Variants in NTRK3 observed in about 807,000 individuals in gnomAD.
NTRK3 encodes the protein NT-3 growth factor receptor.
In NTRK3, 24 loss-of-function variants were observed where a neutral mutation model predicts 91.7. The observed-to-expected ratio is 0.26, with a 90% CI of 0.19 to 0.37. NTRK3 has a LOEUF of 0.37. NTRK3 is among the 10% of genes least tolerant of loss of function. NTRK3 has a pLI of 1.00. For missense variants in NTRK3, 880 were observed against 1,068.9 expected (o/e 0.82, Z 2.46); for synonymous variants, 483 against 404.0 (o/e 1.20, Z -2.34).
In NTRK3 at chr15:88,156,970, A is replaced by G. The variant is rs142697798; in HGVS notation, c.396-9567T>C. Among the ~76,000 whole-genome samples the G allele has an allele frequency of 3.3e-3, 504 of 152,250 alleles. 3 individuals carry two copies. Among genetic ancestry groups the G allele is most frequent in the African/African-American group, 0.012 (483 of 41,538 alleles). On this transcript the variant is annotated intron_variant, in intron 5 of 18. Transcript: ENST00000394480. ...AGGAAGCATTTCTTTCTACACAGCA[A>G]CCACAGTGCACAAAGAGACTCTGCA...
chr15:88,229,053 A>G (rs1230889839), intron 3 of NTRK3, among the ~76,000 whole-genome samples: 3 of 152,144 alleles, frequency 2.0e-5, no homozygotes, highest in African/African-American at 7.2e-5. Flanking sequence ...CATGAGAGAA[A>G]GGCTAAGAGA....
intron 13 of NTRK3, among the ~76,000 whole-genome samples, chr15:88,054,064 G>C (rs186796596): frequency 1.4e-4 from 21 of 152,298 alleles, no homozygotes; most frequent in African/African-American, 5.1e-4. Flanking sequence ...GTTATGACTG[G>C]TTCCATCACC....
At chr15:88,166,821 G>A (rs1379776503) in intron 5 of NTRK3, among the ~76,000 whole-genome samples, 1 of 151,892 alleles carries the variant, frequency 6.6e-6, no homozygotes, top group Non-Finnish European at 1.5e-5. Context: ...CTGAGCCCCA[G>A]AGTCCTCATG....
intron 3 of NTRK3, among the ~76,000 whole-genome samples, chr15:88,206,755 G>A (rs1257954294): frequency 6.6e-6 from 1 of 152,020 alleles, no homozygotes. Context: ...GGCGGGCGGG[G>A]CCGGGTCTTT....
At position 88,095,629 on chromosome 15, in the gene NTRK3, A is replaced by G. The variant is rs75345775; in HGVS notation, c.1396+30642T>C. On this transcript the variant is annotated intron_variant, in intron 13 of 18. Coordinates refer to ENST00000394480, the Ensembl canonical transcript of NTRK3. ...AAAATATAATAAATTAACCAGAGCA[A>G]GAAAACCAGTTGAATCCAAATAAAT... 1.4e-3 allele frequency among the ~76,000 whole-genome samples: 211 copies of G among 152,370 alleles called. 1 individual carries two copies. The East Asian group carries it at 0.028, about 20-fold the overall frequency.
At chr15:88,246,737 G>C (rs969366016) in intron 3 of NTRK3, among the ~76,000 whole-genome samples, 1 of 152,216 alleles carries the variant, frequency 6.6e-6, no homozygotes, top group African/African-American at 2.4e-5. Flanking sequence ...TTCCCAGGAA[G>C]CCAAAGGCTC....
In NTRK3 at chr15:88,131,037, GA is replaced by G. The variant is rs777580653; in HGVS notation, c.1205-2304del. Among the ~76,000 whole-genome samples, 79 of 152,310 alleles carry G rather than the reference GA, an allele frequency of 5.2e-4. 1 individual carries two copies. Among genetic ancestry groups the G allele is most frequent in the Admixed American group, 2.0e-4 (3 of 15,306 alleles). On this transcript the variant is annotated intron_variant, in intron 10 of 18. Transcript: ENST00000394480. ...TATGAATTCCAAACTATTTCAAAAT[GA>G]AAAGTTAAAAATCTTTAAAAATTAA...
At chr15:88,221,394 A>G (rs1567671908) in intron 3 of NTRK3, among the ~76,000 whole-genome samples, 2 of 152,262 alleles carry the variant, frequency 1.3e-5, no homozygotes, top group Non-Finnish European at 2.9e-5. Flanking sequence ...AATAAAGATG[A>G]GAAAAATAAC....
intron 4 of NTRK3, 35 bp from the exon 5 acceptor site, chr15:88,183,524 A>AAGTGGCAGAGGGATATCTGCTCT: frequency 6.3e-7 from 1 of 1,597,294 alleles, no homozygotes; most frequent in Non-Finnish European, 8.6e-7. Flanking sequence ...AGCAGAGCTC[A>AAGTGGCAGAGGGATATCTGCTCT]AGTGGCAGAG....
At chr15:88,055,322 T>A (rs962672165) in intron 13 of NTRK3, among the ~76,000 whole-genome samples, 2 of 152,172 alleles carry the variant, frequency 1.3e-5, no homozygotes, top group Non-Finnish European at 1.5e-5. Context: ...AATGACCACA[T>A]CCAAACAGTG....
At chr15:88,177,039 A>C (rs1484164072) in intron 5 of NTRK3, among the ~76,000 whole-genome samples, 3 of 152,212 alleles carry the variant, frequency 2.0e-5, no homozygotes, top group African/African-American at 7.2e-5. Context: ...TTTGGGTCAG[A>C]TGGGCCAACA....
rs528464133 is a variant in NTRK3, at chr15:87,870,142, A to C, written c.*6793T>G. 1.3e-4 allele frequency: 24 copies of C among 186,850 alleles called. No homozygotes were observed. In the South Asian group the frequency reaches 3.1e-3, roughly 24 times the overall value. 11.6% of individuals were successfully genotyped at this position (186,850 alleles called of 1,614,324 possible). A position where few individuals can be genotyped will look rare whatever the true frequency, so the allele number is the denominator to read the frequency against. ...CAATTGCAAAAAGTGGAATCAACCC[A>C]AATGCCCATCAATCAATGAGCAGAT... On this transcript the variant is annotated 3_prime_UTR_variant, in exon 19 of 19. Transcript: ENST00000394480.
intron 10 of NTRK3, chr15:88,131,913 G>T (rs2041394220): frequency 5.1e-6 from 1 of 195,770 alleles, no homozygotes; most frequent in East Asian, 7.9e-5. Context: ...CAGCAGGCTG[G>T]GAGGAGCGCT....
At chr15:87,893,370 G>A (rs992949524) in intron 17 of NTRK3, among the ~76,000 whole-genome samples, 2 of 152,160 alleles carry the variant, frequency 1.3e-5, no homozygotes, top group Non-Finnish European at 2.9e-5. Context: ...AGAAATAAGT[G>A]GTGCAGAAGG....
At chr15:88,220,486 C>T (rs552087252) in intron 3 of NTRK3, among the ~76,000 whole-genome samples, 77 of 152,230 alleles carry the variant, frequency 5.1e-4, no homozygotes, top group African/African-American at 1.7e-3. Flanking sequence ...AGCTGTGTGA[C>T]GCCAGCAAGT....
intron 14 of NTRK3, among the ~76,000 whole-genome samples, chr15:88,028,416 C>A (rs1467074328): frequency 6.6e-6 from 1 of 152,084 alleles, no homozygotes; most frequent in Non-Finnish European, 1.5e-5. Flanking sequence ...AAAGGAAGCT[C>A]AAAGGAACAT....
intron 14 of NTRK3, 106 bp downstream of exon 14, chr15:88,032,751 G>T: frequency 1.6e-6 from 2 of 1,248,750 alleles, no homozygotes; most frequent in Non-Finnish European, 2.3e-6. Flanking sequence ...GTGGGAGGTT[G>T]GCAGGTAGCA....
chr15:87,873,458 A>C (rs761497232), exon 19 of NTRK3: 1 of 231,030 alleles, frequency 4.3e-6, no homozygotes, highest in Non-Finnish European at 8.6e-6. Context: ...ACAGCAGGTC[A>C]CTCTCACTCA....
chr15:88,226,956 T>C (rs986752760), intron 3 of NTRK3, among the ~76,000 whole-genome samples: 1 of 152,220 alleles, frequency 6.6e-6, no homozygotes, highest in African/African-American at 2.4e-5. Context: ...TCTCATCTTC[T>C]TTCCACTTTA....
Sources: gnomAD v4.1 joint callset for allele counts (sites outside exome capture counted in the v4.1 genomes callset) on GRCh38, gnomAD v4.1.1 for gene constraint, MANE v1.5 for transcripts, NCBI Gene and HGNC (gene_info 2026-07-23, HGNC 2026-07-21) for gene names.